Variants in TFPI observed in about 807,000 individuals in gnomAD.
TFPI encodes anti-convertin.
Under a neutral mutation model 34.6 loss-of-function variants are expected in TFPI, and 15 were observed. The ratio of observed to expected loss-of-function variants is 0.43; its 90% CI spans 0.29 to 0.67. TFPI has a LOEUF of 0.67. TFPI is among the 30% of genes least tolerant of loss of function. The pLI is 0.15. For synonymous variants in TFPI, 105 were observed against 120.1 expected (o/e 0.87, Z 0.82); for missense variants, 301 against 364.0 (o/e 0.83, Z 1.41).
intron 1 of TFPI, among the ~76,000 whole-genome samples, chr2:187,536,942 C>T (rs1033071165): frequency 6.9e-6 from 1 of 145,626 alleles, no homozygotes; most frequent in African/African-American, 2.5e-5. Flanking sequence ...ACACCAATAA[C>T]AGACAAACAG....
At chr2:187,473,510 A>G (rs535364769) in intron 6 of TFPI, among the ~76,000 whole-genome samples, 1 of 151,976 alleles carries the variant, frequency 6.6e-6, no homozygotes, top group South Asian at 2.1e-4. Context: ...TTCTTCTTTT[A>G]TTTTCTTTTT....
intron 1 of TFPI, among the ~76,000 whole-genome samples, chr2:187,539,575 C>T (rs924862541): frequency 6.6e-6 from 1 of 152,068 alleles, no homozygotes; most frequent in African/African-American, 2.4e-5. Context: ...GTGCATTTTC[C>T]TCAGCAAAAT....
chr2:187,512,806 T>C (rs907004379), intron 1 of TFPI, among the ~76,000 whole-genome samples: 13 of 152,014 alleles, frequency 8.6e-5, no homozygotes, highest in Admixed American at 3.3e-4. Flanking sequence ...GTAAAAAGAA[T>C]GTTATATGGT....
intron 6 of TFPI, among the ~76,000 whole-genome samples, chr2:187,472,895 C>T (rs1692133825): frequency 6.6e-6 from 1 of 151,942 alleles, no homozygotes; most frequent in African/African-American, 2.4e-5. Context: ...GCATGTGGTC[C>T]CAGCTACTAG....
chr2:187,474,782 T>A (rs985430279), intron 6 of TFPI, among the ~76,000 whole-genome samples: 5 of 152,158 alleles, frequency 3.3e-5, no homozygotes, highest in African/African-American at 9.7e-5. Context: ...AAATTCTACT[T>A]ATAATAGTTG....
rs183963792 is a variant in TFPI, at chr2:187,496,139, T to C, written c.319+742A>G. Among the ~76,000 whole-genome samples, 3 of 152,250 alleles carry C rather than the reference T, an allele frequency of 2.0e-5. No individual in the cohort carries two copies. In the East Asian group the frequency reaches 5.8e-4, roughly 29 times the overall value. ...AGTAATATTAATATAAAACATTGGG[T>C]TTAGTAAAGTCCACAAGGGTCATCA... is the stretch of plus-strand genomic sequence containing the variant. On this transcript the variant is annotated intron_variant, in intron 3 of 7. Coordinates refer to ENST00000233156, the MANE Select transcript of TFPI (RefSeq NM_006287.6).
At chr2:187,553,314 T>C (rs1424826694) in intron 1 of TFPI, among the ~76,000 whole-genome samples, 1 of 152,128 alleles carries the variant, frequency 6.6e-6, no homozygotes, top group Non-Finnish European at 1.5e-5. Context: ...TACAAAGTCA[T>C]TTTGTGACTA....
chr2:187,536,574 A>G (rs79507618), intron 1 of TFPI, among the ~76,000 whole-genome samples: 64,415 of 151,988 alleles, frequency 0.42, 14,240 homozygotes, highest in Middle Eastern at 0.54. Context: ...TGGTATTGAT[A>G]GAATGCATCT....
At chr2:187,470,073 A>C (rs1487211193) in intron 6 of TFPI, among the ~76,000 whole-genome samples, 2 of 152,176 alleles carry the variant, frequency 1.3e-5, no homozygotes, top group Non-Finnish European at 1.5e-5. Flanking sequence ...AGAAAACAGG[A>C]AATTACTATC....
At chr2:187,498,109 C>A (rs1685609295) in intron 2 of TFPI, among the ~76,000 whole-genome samples, 1 of 151,472 alleles carries the variant, frequency 6.6e-6, no homozygotes, top group African/African-American at 2.4e-5. Context: ...GTATAAATAT[C>A]TTGAAAAAAA....
chr2:187,506,363 T>A (rs566461193), intron 1 of TFPI, among the ~76,000 whole-genome samples: 7 of 152,116 alleles, frequency 4.6e-5, no homozygotes, highest in Admixed American at 3.9e-4. Context: ...TAAAAAAAAA[T>A]AGAGAAGAAT....
At chr2:187,470,798 CTCTT>C (rs1294085348) in intron 6 of TFPI, among the ~76,000 whole-genome samples, 11 of 152,200 alleles carry the variant, frequency 7.2e-5, no homozygotes, top group African/African-American at 2.7e-4. Flanking sequence ...TCTACTGACA[CTCTT>C]TATGACTTCT....
intron 6 of TFPI, among the ~76,000 whole-genome samples, chr2:187,476,822 C>CT (rs1038595968): frequency 2.0e-5 from 3 of 151,862 alleles, no homozygotes; most frequent in East Asian, 1.9e-4. Context: ...AAGGATTTTT[C>CT]TTTTTTTTAA....
At chr2:187,529,027 GT>G (rs1034592039) in intron 1 of TFPI, among the ~76,000 whole-genome samples, 2 of 152,146 alleles carry the variant, frequency 1.3e-5, no homozygotes, top group Admixed American at 1.3e-4. Context: ...GGTAGGACCA[GT>G]TTTTTGGAAC....
intron 6 of TFPI, among the ~76,000 whole-genome samples, chr2:187,474,597 T>C (rs1220595731): frequency 6.6e-6 from 1 of 152,130 alleles, no homozygotes; most frequent in Non-Finnish European, 1.5e-5. Flanking sequence ...ATCCAGTAAC[T>C]TCTAATAGAG....
intron 4 of TFPI, among the ~76,000 whole-genome samples, chr2:187,485,732 A>G (rs1693214744): frequency 6.6e-6 from 1 of 151,758 alleles, no homozygotes; most frequent in Admixed American, 6.6e-5. Flanking sequence ...ACTGTGATCT[A>G]CATCACCAGC....
chr2:187,540,118 G>T (rs922743211), intron 1 of TFPI, among the ~76,000 whole-genome samples: 1 of 152,020 alleles, frequency 6.6e-6, no homozygotes, highest in African/African-American at 2.4e-5. Context: ...GCCCAGGCTG[G>T]TCTGAAACTC....
At chr2:187,521,610 C>A (rs572448424) in intron 1 of TFPI, among the ~76,000 whole-genome samples, 1 of 152,026 alleles carries the variant, frequency 6.6e-6, no homozygotes, top group Admixed American at 6.6e-5. Context: ...ACTCTGTCAC[C>A]CATGGTAGAG....
intron 4 of TFPI, 100 bp from the exon 5 acceptor site, chr2:187,485,087 T>A: frequency 1.1e-6 from 1 of 885,264 alleles, no homozygotes; most frequent in Non-Finnish European, 1.5e-6. Context: ...ATTGAAGGAG[T>A]AAGCATAAAA....
Sources: allele counts gnomAD v4.1 joint callset (sites outside exome capture counted in the v4.1 genomes callset), GRCh38; gene constraint gnomAD v4.1.1; transcripts MANE v1.5; gene names NCBI Gene and HGNC (gene_info 2026-07-23, HGNC 2026-07-21).